The following TDRD6 variants were observed in gnomAD, a reference collection of about 807,000 sequenced individuals.
TDRD6 encodes tudor domain containing 6.
Under a neutral mutation model 157.5 loss-of-function variants are expected in TDRD6, and 186 were observed. The ratio of observed to expected loss-of-function variants is 1.18; its 90% CI spans 1.05 to 1.33. TDRD6 has a LOEUF of 1.33. Ranked by LOEUF, TDRD6 falls within the 40% of genes most tolerant of loss-of-function variation. The pLI, the probability that TDRD6 is intolerant of heterozygous loss-of-function variation, is 0.00. For missense variants in TDRD6, 3,066 were observed against 2,508.0 expected (o/e 1.22, Z -4.75); for synonymous variants, 1,075 against 945.2 (o/e 1.14, Z -2.52).
chr6:46,690,649 A>G lies in TDRD6; in HGVS notation c.2521A>G (p.Ile841Val), dbSNP rs1382899385. ...GTGGTCCAGAGCACTTATTAGTGGG[A>G]TACAGTCTGTGGAGCATGTCAATGT... ...RQWSRALISG[I>V]QSVEHVNVTF... The change falls in exon 1 of 4, where the codon ATA (isoleucine) becomes GTA (valine). Residue 841 changes from isoleucine to valine, a missense_variant. Ile to Val is a conservative substitution (Grantham distance 29, BLOSUM62 3). Transcript: ENST00000316081. The G allele has an allele frequency of 6.2e-7, 1 of 1,614,230 alleles. No individual in the cohort carries two copies. Among genetic ancestry groups the G allele is most frequent in the South Asian group, 1.1e-5 (1 of 91,080 alleles).
At position 46,694,177 on chromosome 6, in the gene TDRD6, A is replaced by G; in HGVS notation, c.6046+3A>G. 2 of 1,373,762 alleles carry G rather than the reference A, an allele frequency of 1.5e-6. No individual in the cohort carries two copies. Among genetic ancestry groups the G allele is most frequent in the African/African-American group, 1.5e-5 (1 of 67,868 alleles). 85.1% of individuals were successfully genotyped at this position (1,373,762 alleles called of 1,614,324 possible). ...TGGTTTACCAGATCATATCTCAGGT[A>G]TGTGAATTTTTTTTCCTTTTTACTT... On this transcript the variant is annotated splice_donor_region_variant and intron_variant, in intron 1 of 3. Transcript: ENST00000316081.
Position 46,690,328 on chromosome 6 carries a change from A to G in TDRD6, c.2200A>G (p.Thr734Ala), listed in dbSNP as rs144163367. Reference sequence around the variant, plus strand: ...CACAACAGTTGTAACAAATGGTTCAACTGAACTAGTTGTGCAGGAAAAAGT... The same window carrying G: ...CACAACAGTTGTAACAAATGGTTCAGCTGAACTAGTTGTGCAGGAAAAAGT... ...SDTTVVTNGS[T>A]ELVVQEKVKR... The change falls in exon 1 of 4, where the codon ACT becomes GCT. Residue 734 changes from threonine (T) to alanine (A), a missense_variant. Coordinates refer to ENST00000316081, the MANE Select transcript of TDRD6 (RefSeq NM_001010870.3). 46 of 1,613,404 alleles carry G rather than the reference A, an allele frequency of 2.9e-5. No individual in the cohort carries two copies. Among genetic ancestry groups the G allele is most frequent in the Middle Eastern group, 3.3e-4 (2 of 6,060 alleles).
At position 46,692,446 on chromosome 6, in the gene TDRD6, C is replaced by T; in HGVS notation, c.4318C>T (p.Gln1440Ter). The T allele has an allele frequency of 2.5e-6, 4 of 1,613,984 alleles. No homozygotes were observed. Among genetic ancestry groups the T allele is most frequent in the South Asian group, 1.1e-5 (1 of 91,068 alleles). ...NSKKMMHYFS[Q>*]RTSEAAIRCE... ...TAAGAAAATGATGCATTACTTTTCCCAACGGACCAGCGAGGCTGCAATAAG... is the reference window on the plus strand; with the variant it reads ...TAAGAAAATGATGCATTACTTTTCCTAACGGACCAGCGAGGCTGCAATAAG... Residue 1440 changes from glutamine (Q) to a stop codon, truncating the protein, a stop_gained, in exon 1 of 4, where the codon CAA becomes TAA. Coordinates refer to ENST00000316081, the MANE Select transcript of TDRD6 (RefSeq NM_001010870.3). LOFTEE classifies it high-confidence loss of function.
At chr6:46,701,206 A>T (rs1379674696) in intron 3 of TDRD6, 1 of 175,148 alleles carries the variant, frequency 5.7e-6, no homozygotes, top group Non-Finnish European at 1.2e-5. Flanking sequence ...CACTTTAGGT[A>T]AAAAAATTTA....
In TDRD6 at chr6:46,704,201, T is replaced by G. The variant is rs2150687925; in HGVS notation, c.*2314T>G. 1 of 247,402 alleles carries G rather than the reference T, an allele frequency of 4.0e-6. No individual in the cohort carries two copies. Among genetic ancestry groups the G allele is most frequent in the Non-Finnish European group, 8.0e-6 (1 of 125,510 alleles). 15.3% of individuals were successfully genotyped at this position (247,402 alleles called of 1,614,324 possible). A position where few individuals can be genotyped will look rare whatever the true frequency, so the allele number is the denominator to read the frequency against. ...GGGAGTCTTGTATCATTGCAACAGG[T>G]TTTCACTGGGATTTTGCCTGTTTTA... is the stretch of plus-strand genomic sequence containing the variant. On this transcript the variant is annotated 3_prime_UTR_variant, in exon 4 of 4. Coordinates refer to ENST00000316081, the MANE Select transcript of TDRD6 (RefSeq NM_001010870.3).
Position 46,693,479 on chromosome 6 carries a change from G to T in TDRD6, c.5351G>T (p.Cys1784Phe), listed in dbSNP as rs1280176466. ...DNICEGFENP[C>F]KDKIDTEELE... is the part of the protein sequence containing the mutation. ...ATTTGTGAAGGGTTTGAAAACCCCT[G>T]CAAAGATAAAATTGATACTGAGGAA... is the stretch of plus-strand genomic sequence containing the variant. The change falls in exon 1 of 4, where the codon TGC becomes TTC. Residue 1784 changes from cysteine (C) to phenylalanine (F), a missense_variant. By Grantham distance (205) the Cys-to-Phe change is radical. Transcript: ENST00000316081. 1 of 1,613,774 alleles carries T rather than the reference G, an allele frequency of 6.2e-7. No homozygotes were observed. The highest frequency in any genetic ancestry group is 2.2e-5 in the East Asian group (1 of 44,876).
At chr6:46,699,896 A>C (rs1764579981) in intron 3 of TDRD6, among the ~76,000 whole-genome samples, 1 of 152,200 alleles carries the variant, frequency 6.6e-6, no homozygotes, top group Non-Finnish European at 1.5e-5. Flanking sequence ...ATAGCTAAAT[A>C]ATGCTGCATG....
At chr6:46,685,014 GTTTTT>G (rs76156697), upstream of TDRD6, among the ~76,000 whole-genome samples, 1 of 131,530 alleles carries the variant, frequency 7.6e-6, no homozygotes, top group African/African-American at 2.7e-5. Flanking sequence ...AACATTGTGG[GTTTTT>G]TTTTTTTTTT....
At position 46,702,051 on chromosome 6, in the gene TDRD6, TGATG is replaced by T; in HGVS notation, c.*166_*169del. On this transcript the variant is annotated 3_prime_UTR_variant, in exon 4 of 4. Coordinates refer to ENST00000316081, the MANE Select transcript of TDRD6 (RefSeq NM_001010870.3). ...GTGGAAAACAAATTAGGTCTCAGGT[TGATG>T]GTGGGGTGTGTTTATAGTGATCCTG... is the stretch of plus-strand genomic sequence containing the variant. 1 of 661,006 alleles carries T rather than the reference TGATG, an allele frequency of 1.5e-6. No individual in the cohort carries two copies. The highest frequency in any genetic ancestry group is 2.6e-6 in the Non-Finnish European group (1 of 383,690). The allele number at this position is 661,006 out of a possible 1,614,324, so 40.9% of individuals were successfully genotyped here.
chr6:46,685,045 A>T (rs189681099), upstream of TDRD6, among the ~76,000 whole-genome samples: 16 of 147,120 alleles, frequency 1.1e-4, no homozygotes, highest in Admixed American at 2.0e-4. Flanking sequence ...ATAGCTAATG[A>T]TGTTGAAAAT....
rs1177238822 is a variant in TDRD6, at chr6:46,703,872, AAG to A, written c.*1986_*1987del. ...AATACCTGTGGAACCTTTCTTTAGC[AAG>A]TAGAATGCCTTAAAGAATTAAAGAA... On this transcript the variant is annotated 3_prime_UTR_variant, in exon 4 of 4. Transcript: ENST00000316081. The A allele has an allele frequency of 6.6e-6, 1 of 152,260 alleles. No homozygotes were observed. Among genetic ancestry groups the A allele is most frequent in the Non-Finnish European group, 1.5e-5 (1 of 68,094 alleles). 9.4% of individuals were successfully genotyped at this position (152,260 alleles called of 1,614,324 possible).
intron 2 of TDRD6, among the ~76,000 whole-genome samples, chr6:46,696,579 G>GTA (rs1360765143): frequency 4.1e-5 from 2 of 48,436 alleles, no homozygotes; most frequent in South Asian, 9.6e-4. Context: ...GTGTGTGTGT[G>GTA]TGTATATATA....
At chr6:46,681,242 G>A in the TDRD6 span, among the ~76,000 whole-genome samples, 1 of 152,132 alleles carries the variant, frequency 6.6e-6, no homozygotes, top group Non-Finnish European at 1.5e-5. Context: ...GCTTAATTAT[G>A]TTTTTAAATG....
upstream of TDRD6, among the ~76,000 whole-genome samples, chr6:46,686,356 T>C (rs1477832892): frequency 2.0e-5 from 3 of 151,978 alleles, no homozygotes; most frequent in African/African-American, 4.8e-5. Flanking sequence ...TACTGGATGC[T>C]AACAGTCCAG....
At position 46,691,330 on chromosome 6, in the gene TDRD6, G is replaced by C; in HGVS notation, c.3202G>C (p.Gly1068Arg). 1 of 1,614,034 alleles carries C rather than the reference G, an allele frequency of 6.2e-7. No homozygotes were observed. Among genetic ancestry groups the C allele is most frequent in the Non-Finnish European group, 8.5e-7 (1 of 1,179,958 alleles). The change falls in exon 1 of 4, where the codon GGG (glycine) becomes CGG (arginine). Residue 1068 changes from glycine (G) to arginine (R), a missense_variant. Physicochemically the swap from Gly to Arg is moderately radical, Grantham distance 125. Transcript: ENST00000316081. ...AAAGAAAGTCTTCTTTGTTGATTTTGGGAATATTTATGTAGTAACAAGTGA... is the reference window on the plus strand; with the variant it reads ...AAAGAAAGTCTTCTTTGTTGATTTTCGGAATATTTATGTAGTAACAAGTGA... ...EPKKVFFVDFGNIYVVTSDDL... is the reference protein window; with the variant it reads ...EPKKVFFVDFRNIYVVTSDDL...
In TDRD6 at chr6:46,691,191, A is replaced by G. The variant is rs747078877; in HGVS notation, c.3063A>G (p.Gln1021=). Residue 1021 remains glutamine (Q), a synonymous_variant, in exon 1 of 4, where the codon CAA becomes CAG. Transcript: ENST00000316081. ...AACAGTTGTCATGTAGTATTACACA[A>G]TTAAGTAAAGTTTTGCTGAATTTAA... ...ILEQLSCSIT[Q]LSKVLLNLKT... 6 of 1,612,702 alleles carry G rather than the reference A, an allele frequency of 3.7e-6. No homozygotes were observed. The Admixed American group carries it at 1.0e-4, about 27-fold the overall frequency.
rs1385353454 is a variant in TDRD6 at position 46,703,643 on chromosome 6, T to A, written c.*1756T>A. On this transcript the variant is annotated 3_prime_UTR_variant, in exon 4 of 4. Coordinates refer to ENST00000316081, the MANE Select transcript of TDRD6 (RefSeq NM_001010870.3). ...AAATCATTTTCCATGATTCCCATATTTATAAGTATAAATTCTTAAGCTATA... is the reference window on the plus strand; with the variant it reads ...AAATCATTTTCCATGATTCCCATATATATAAGTATAAATTCTTAAGCTATA... The A allele has an allele frequency of 6.6e-6, 1 of 152,092 alleles. No individual in the cohort carries two copies. The highest frequency in any genetic ancestry group is 1.5e-5 in the Non-Finnish European group (1 of 67,948). The allele number at this position is 152,092 out of a possible 1,614,324, so 9.4% of individuals were successfully genotyped here.
Position 46,704,127 on chromosome 6 carries a change from C to T in TDRD6, c.*2240C>T, listed in dbSNP as rs1163223477. ...ATGTTGCTATAATTAAACTCCACTGCCCATAGTAGATAATAAAAGGCAAGA... is the reference window on the plus strand; with the variant it reads ...ATGTTGCTATAATTAAACTCCACTGTCCATAGTAGATAATAAAAGGCAAGA... On this transcript the variant is annotated 3_prime_UTR_variant, in exon 4 of 4. Coordinates refer to ENST00000316081, the MANE Select transcript of TDRD6 (RefSeq NM_001010870.3). The T allele has an allele frequency of 5.4e-6, 1 of 183,894 alleles. No individual in the cohort carries two copies. Among genetic ancestry groups the T allele is most frequent in the East Asian group, 1.4e-4 (1 of 6,964 alleles). The allele number at this position is 183,894 out of a possible 1,614,324, so 11.4% of individuals were successfully genotyped here.
chr6:46,681,412 T>C, the TDRD6 span: 1 of 391,860 alleles, frequency 2.6e-6, no homozygotes, highest in Non-Finnish European at 5.4e-6. Flanking sequence ...TATATCACTA[T>C]TTGGCCTTCA....
Sources: allele counts gnomAD v4.1 joint callset (sites outside exome capture counted in the v4.1 genomes callset), GRCh38; gene constraint gnomAD v4.1.1; transcripts MANE v1.5; gene names NCBI Gene and HGNC (gene_info 2026-07-23, HGNC 2026-07-21).